FRAS1: variants seen among roughly 807,000 people sequenced by gnomAD.
The protein encoded by FRAS1 is Fraser extracellular matrix complex subunit 1, also known as extracellular matrix organizing protein FRAS1.
In FRAS1, 290 loss-of-function variants were observed where a neutral mutation model predicts 435.2. That is an observed-to-expected ratio of 0.67 (90% CI 0.61 to 0.73). The LOEUF is 0.73. FRAS1 is among the 30% of genes least tolerant of loss of function. FRAS1 has a pLI of 0.00. For synonymous variants in FRAS1, 1,800 were observed against 1,851.0 expected (o/e 0.97, Z 0.71); for missense variants, 4,860 against 5,001.5 (o/e 0.97, Z 0.85).
chr4:78,133,288 C>T (rs1019875721), intron 2 of FRAS1, among the ~76,000 whole-genome samples: 1 of 151,978 alleles, frequency 6.6e-6, no homozygotes, highest in African/African-American at 2.4e-5. Context: ...ATTGCATGTT[C>T]TCACTTATTT....
intron 14 of FRAS1, among the ~76,000 whole-genome samples, chr4:78,301,714 A>C (rs1728405641): frequency 6.6e-6 from 1 of 152,102 alleles, no homozygotes. Context: ...TGATTTCATT[A>C]AGCAGTCCTT....
chr4:78,327,832 C>T (rs1031391910), intron 18 of FRAS1, among the ~76,000 whole-genome samples: 4 of 152,124 alleles, frequency 2.6e-5, no homozygotes, highest in South Asian at 2.1e-4. Flanking sequence ...GAAATAGTGT[C>T]GATATTTCCA....
At chr4:78,465,293 T>G (rs1393464373) in intron 49 of FRAS1, among the ~76,000 whole-genome samples, 1 of 152,230 alleles carries the variant, frequency 6.6e-6, no homozygotes, top group African/African-American at 2.4e-5. Flanking sequence ...TTTGCAGGCT[T>G]AGAGAGTCTA....
At chr4:78,509,984 A>G (rs1441429570) in intron 63 of FRAS1, among the ~76,000 whole-genome samples, 1 of 152,226 alleles carries the variant, frequency 6.6e-6, no homozygotes, top group Non-Finnish European at 1.5e-5. Flanking sequence ...ACCACTAGAC[A>G]TAGATGGGAG....
intron 63 of FRAS1, among the ~76,000 whole-genome samples, chr4:78,509,242 A>G (rs938304293): frequency 7.2e-5 from 11 of 152,240 alleles, no homozygotes; most frequent in African/African-American, 1.9e-4. Context: ...TTTAAACTAA[A>G]TAATGTTAAG....
rs538785986 is a variant in FRAS1, at chr4:78,525,967, A to G, written c.10809-574A>G. ...TAAAGGGATGAGGCTATGGAGTTTG[A>G]AAGGGGAACCTCAAAATTGAGTGTG... On this transcript the variant is annotated intron_variant, in intron 69 of 73. Coordinates refer to ENST00000512123, the MANE Select transcript of FRAS1 (RefSeq NM_025074.7). 4.6e-5 allele frequency among the ~76,000 whole-genome samples: 7 copies of G among 152,314 alleles called. No homozygotes were observed. In the East Asian group the frequency reaches 1.4e-3, roughly 29 times the overall value.
chr4:78,342,004 G>T (rs1301205621), intron 20 of FRAS1, among the ~76,000 whole-genome samples: 1 of 152,126 alleles, frequency 6.6e-6, no homozygotes, highest in Non-Finnish European at 1.5e-5. Flanking sequence ...AGAATGTTTA[G>T]GTGACTTTTA....
chr4:78,264,970 T>G, intron 6 of FRAS1, 55 bp from the exon 7 acceptor site: 2 of 1,086,412 alleles, frequency 1.8e-6, no homozygotes, highest in South Asian at 2.6e-5. Flanking sequence ...TTCCTGCTGT[T>G]GTGGATCTTA....
Position 78,264,673 on chromosome 4 carries a change from A to G in FRAS1, c.604-352A>G, listed in dbSNP as rs368436733. On this transcript the variant is annotated intron_variant, in intron 6 of 73. Coordinates refer to ENST00000512123, the MANE Select transcript of FRAS1 (RefSeq NM_025074.7). ...CAAGTTACACACCTCTCTGGTCTTT[A>G]CTATTCTCTTTTGTAAAGCAAGGAT... Among the ~76,000 whole-genome samples, 53 of 152,290 alleles carry G rather than the reference A, an allele frequency of 3.5e-4. 2 individuals are homozygous for G. Among genetic ancestry groups the G allele is most frequent in the East Asian group, 3.5e-3 (18 of 5,188 alleles).
chr4:78,140,695 G>T (rs1240366832), intron 2 of FRAS1, among the ~76,000 whole-genome samples: 1 of 74,560 alleles, frequency 1.3e-5, no homozygotes, highest in Non-Finnish European at 2.6e-5. Flanking sequence ...ATATACATAT[G>T]TGTATATGCA....
intron 2 of FRAS1, among the ~76,000 whole-genome samples, chr4:78,112,072 T>G (rs891426287): frequency 6.6e-6 from 1 of 152,174 alleles, no homozygotes; most frequent in Non-Finnish European, 1.5e-5. Context: ...ATAATCTCCT[T>G]CACCTTAGGG....
intron 2 of FRAS1, among the ~76,000 whole-genome samples, chr4:78,118,834 A>C (rs1718831636): frequency 1.3e-5 from 2 of 151,098 alleles, no homozygotes; most frequent in South Asian, 4.2e-4. Flanking sequence ...TCCTGCACCC[A>C]CTCTCCGACA....
intron 27 of FRAS1, among the ~76,000 whole-genome samples, chr4:78,382,193 C>A (rs1459454695): frequency 6.6e-6 from 1 of 152,034 alleles, no homozygotes; most frequent in African/African-American, 2.4e-5. Context: ...TCAGTGCCAC[C>A]AAAAATCACT....
intron 4 of FRAS1, among the ~76,000 whole-genome samples, chr4:78,251,221 A>T (rs953769113): frequency 1.3e-5 from 2 of 152,182 alleles, no homozygotes; most frequent in East Asian, 3.9e-4. Flanking sequence ...TTTGAAACTT[A>T]TATATAATTG....
chr4:78,492,303 T>A (rs1720374601), intron 59 of FRAS1, among the ~76,000 whole-genome samples: 1 of 152,148 alleles, frequency 6.6e-6, no homozygotes, highest in South Asian at 2.1e-4. Context: ...TACTTTAAAT[T>A]TCATATGGAA....
At chr4:78,329,919 A>C (rs1729876594) in intron 18 of FRAS1, among the ~76,000 whole-genome samples, 1 of 152,138 alleles carries the variant, frequency 6.6e-6, no homozygotes, top group African/African-American at 2.4e-5. Context: ...CACTGTAGTA[A>C]ATTTTGGAAT....
At chr4:78,430,184 C>CA in intron 36 of FRAS1, 108 bp from the exon 37 acceptor site, 1 of 1,320,820 alleles carries the variant, frequency 7.6e-7, no homozygotes, top group Admixed American at 1.9e-5. Context: ...TGATAACAAT[C>CA]AGATTACCCA....
intron 18 of FRAS1, chr4:78,319,301 A>T: frequency 2.0e-6 from 1 of 503,028 alleles, no homozygotes; most frequent in Middle Eastern, 3.0e-4. Context: ...AGCTCATTGT[A>T]GAATTTCATT....
At chr4:78,222,044 A>C (rs1244807356) in intron 2 of FRAS1, among the ~76,000 whole-genome samples, 1 of 152,180 alleles carries the variant, frequency 6.6e-6, no homozygotes, top group Non-Finnish European at 1.5e-5. Context: ...GGAAGAATAC[A>C]GGTGAGCAGG....
Sources: gnomAD v4.1 joint callset for allele counts (sites outside exome capture counted in the v4.1 genomes callset) on GRCh38, gnomAD v4.1.1 for gene constraint, MANE v1.5 for transcripts, NCBI Gene and HGNC (gene_info 2026-07-23, HGNC 2026-07-21) for gene names.